The following GLIS1 variants were observed in gnomAD, a reference collection of about 807,000 sequenced individuals.
GLIS1 encodes zinc finger protein GLIS1.
A neutral mutation model predicts 63.8 loss-of-function variants in GLIS1; 24 were observed. The observed-to-expected ratio is 0.38, with a 90% CI of 0.27 to 0.53. GLIS1 has a LOEUF of 0.53. GLIS1 is among the 20% of genes least tolerant of loss of function. GLIS1 has a pLI of 0.85. For synonymous variants in GLIS1, 450 were observed against 482.5 expected (o/e 0.93, Z 0.88); for missense variants, 1,036 against 1,074.1 (o/e 0.96, Z 0.50).
In GLIS1 at chr1:53,646,911, G is replaced by GGGAA. The variant is rs199632740; in HGVS notation, c.260-46637_260-46634dup. Reference sequence around the variant, plus strand: ...GAAGGGAAGGAAGGAAAGGAAGGAAGGGAAGGAAGGAAGGAAGGAAAGAAG... The same window carrying GGGAA: ...GAAGGGAAGGAAGGAAAGGAAGGAAGGGAAGGAAGGAAGGAAGGAAGGAAAGAAG... On this transcript the variant is annotated intron_variant, in intron 2 of 10. Coordinates refer to ENST00000628545, the MANE Select transcript of GLIS1 (RefSeq NM_001367484.1). The surrounding 1 kb of genome is among the most constrained non-coding windows in gnomAD (Gnocchi z 4.2). 1.1e-4 allele frequency among the ~76,000 whole-genome samples: 15 copies of GGGAA among 142,650 alleles called. No homozygotes were observed. The highest frequency in any genetic ancestry group is 6.9e-4 in the South Asian group (3 of 4,360). The allele number at this position is 142,650 out of a possible 152,430, so 93.6% of individuals were successfully genotyped here.
intron 4 of GLIS1, among the ~76,000 whole-genome samples, chr1:53,531,787 T>C (rs1270077978): frequency 6.6e-6 from 1 of 152,146 alleles, no homozygotes; most frequent in Non-Finnish European, 1.5e-5. Context: ...TTGATGACTG[T>C]AGCGAGCTTA....
At chr1:53,666,783 C>G (rs541178552) in intron 2 of GLIS1, among the ~76,000 whole-genome samples, 4 of 148,160 alleles carry the variant, frequency 2.7e-5, no homozygotes, top group Admixed American at 1.3e-4. Flanking sequence ...GTGGGCCAGG[C>G]TGGGGAGCCA....
chr1:53,594,257 T>C lies in GLIS1; in HGVS notation c.1171A>G (p.Ile391Val). ...CGCTGGTCGATGTGGCTCTTCTCGA[T>C]GTGCCGCACCAGCTCCTCCTGCTGC... ...YEQQEELVRHIEKSHIDQRKG... is the reference protein window; with the variant it reads ...YEQQEELVRHVEKSHIDQRKG... The change falls in exon 4 of 11, where the codon ATC becomes GTC. Residue 391 changes from isoleucine to valine, a missense_variant. Ile to Val is a conservative substitution (Grantham distance 29). Around this residue, in one of 3 missense-constraint regions of GLIS1, gnomAD observed 592 missense variants for 593.9 expected, o/e 1.00. Coordinates refer to ENST00000628545, the MANE Select transcript of GLIS1 (RefSeq NM_001367484.1). The C allele has an allele frequency of 6.2e-7, 1 of 1,613,638 alleles. No individual in the cohort carries two copies. The highest frequency in any genetic ancestry group is 8.5e-7 in the Non-Finnish European group (1 of 1,179,962).
chr1:53,629,491 C>T (rs1361794277), intron 2 of GLIS1, among the ~76,000 whole-genome samples: 1 of 152,186 alleles, frequency 6.6e-6, no homozygotes, highest in East Asian at 1.9e-4. Flanking sequence ...ATGAGATGGG[C>T]TTCGAGAACA....
intron 4 of GLIS1, among the ~76,000 whole-genome samples, chr1:53,551,608 A>G (rs1644760469): frequency 6.6e-6 from 1 of 152,104 alleles, no homozygotes; most frequent in Non-Finnish European, 1.5e-5. Context: ...AAGCCCCGCG[A>G]AGGGGCTGCC....
chr1:53,597,962 T>C (rs1230720252), intron 3 of GLIS1, among the ~76,000 whole-genome samples: 2 of 152,138 alleles, frequency 1.3e-5, no homozygotes, highest in African/African-American at 4.8e-5. Flanking sequence ...GCTTCTACCC[T>C]GAGAGATAAT....
intron 2 of GLIS1, among the ~76,000 whole-genome samples, chr1:53,691,609 C>A (rs962722740): frequency 6.6e-6 from 1 of 152,156 alleles, no homozygotes; most frequent in Admixed American, 6.5e-5. Context: ...TCCCAACAAC[C>A]GCCTCGCCTG....
chr1:53,623,897 G>C (rs1645569759), intron 2 of GLIS1, among the ~76,000 whole-genome samples: 1 of 152,046 alleles, frequency 6.6e-6, no homozygotes, highest in African/African-American at 2.4e-5. Flanking sequence ...AGAAAGCAAA[G>C]AAAACCTTAA....
At chr1:53,622,311 C>T (rs1645552192) in intron 2 of GLIS1, among the ~76,000 whole-genome samples, 1 of 151,090 alleles carries the variant, frequency 6.6e-6, no homozygotes, top group Admixed American at 6.6e-5. Context: ...GCCTGTAATC[C>T]CAGCTACTCG....
intron 2 of GLIS1, among the ~76,000 whole-genome samples, chr1:53,732,335 C>A (rs898589563): frequency 1.3e-5 from 2 of 152,236 alleles, no homozygotes; most frequent in African/African-American, 4.8e-5. Flanking sequence ...CAGCCTTCGG[C>A]TTTCTTTCAG....
chr1:53,664,032 A>G (rs17109076), intron 2 of GLIS1, among the ~76,000 whole-genome samples: 4,295 of 152,276 alleles, frequency 0.028, 190 homozygotes, highest in African/African-American at 0.097. Context: ...CAGAGAATCC[A>G]ACTCAGAAAA....
intron 4 of GLIS1, among the ~76,000 whole-genome samples, chr1:53,573,546 C>T (rs1376462319): frequency 5.9e-5 from 9 of 152,190 alleles, no homozygotes; most frequent in Non-Finnish European, 8.8e-5. Flanking sequence ...CACAGCCACA[C>T]GTACACATAG....
intron 2 of GLIS1, among the ~76,000 whole-genome samples, chr1:53,626,675 C>T (rs74676107): frequency 0.019 from 2,925 of 152,328 alleles, 91 homozygotes; most frequent in African/African-American, 0.067. Context: ...AACAGAAATT[C>T]ACCAAGTATC....
intron 2 of GLIS1, among the ~76,000 whole-genome samples, chr1:53,727,252 A>G (rs1646814395): frequency 6.6e-6 from 1 of 152,238 alleles, no homozygotes; most frequent in Admixed American, 6.5e-5. Context: ...ATTTCTGGAA[A>G]GCTTTACAGT....
intron 4 of GLIS1, among the ~76,000 whole-genome samples, chr1:53,557,396 GGAT>G (rs1644845373): frequency 6.6e-6 from 1 of 152,160 alleles, no homozygotes; most frequent in Non-Finnish European, 1.5e-5. Context: ...ATAGCAATTG[GGAT>G]TTGACTCAAG....
At chr1:53,551,688 T>C (rs761004248) in intron 4 of GLIS1, among the ~76,000 whole-genome samples, 4 of 152,006 alleles carry the variant, frequency 2.6e-5, no homozygotes, top group Non-Finnish European at 4.4e-5. Context: ...GCACTCCCAA[T>C]TGTGAGCTCT....
intron 2 of GLIS1, among the ~76,000 whole-genome samples, chr1:53,659,725 C>T (rs957044921): frequency 3.9e-5 from 6 of 152,322 alleles, no homozygotes; most frequent in African/African-American, 9.6e-5. Flanking sequence ...CCCCCACCAG[C>T]GGTGCCACCC....
chr1:53,684,760 T>C (rs1038674996), intron 2 of GLIS1, among the ~76,000 whole-genome samples: 8 of 152,220 alleles, frequency 5.3e-5, no homozygotes, highest in Admixed American at 1.3e-4. Flanking sequence ...CCTCTCCTCC[T>C]GGCCAGCAGG....
chr1:53,737,056 C>G (rs549704234), intron 2 of GLIS1, among the ~76,000 whole-genome samples: 1 of 152,236 alleles, frequency 6.6e-6, no homozygotes, highest in Non-Finnish European at 1.5e-5. Flanking sequence ...TCTGTCAGCA[C>G]GAAACTCATA....
Sources: gnomAD v4.1 joint callset for allele counts (sites outside exome capture counted in the v4.1 genomes callset) on GRCh38, gnomAD v4.1.1 for gene constraint, gnomAD v4.1.1 regional missense constraint, Gnocchi (gnomAD v3.1) non-coding constraint, MANE v1.5 for transcripts, NCBI Gene and HGNC (gene_info 2026-07-23, HGNC 2026-07-21) for gene names.